TNC: variants seen among roughly 807,000 people sequenced by gnomAD.
TNC encodes tenascin.
In TNC, 109 loss-of-function variants were observed where a neutral mutation model predicts 202.4. The observed-to-expected ratio is 0.54, with a 90% CI of 0.46 to 0.63. TNC has a LOEUF of 0.63. Ranked by LOEUF, TNC falls within the 30% of genes least tolerant of loss-of-function variation. TNC has a pLI of 0.00. For synonymous variants in TNC, 1,007 were observed against 1,089.7 expected (o/e 0.92, Z 1.50); for missense variants, 2,756 against 2,833.3 (o/e 0.97, Z 0.62).
At chr9:115,057,517 T>C (rs1257911718) in intron 14 of TNC, 92 bp from the exon 15 acceptor site, 1 of 1,301,704 alleles carries the variant, frequency 7.7e-7, no homozygotes, top group Admixed American at 2.2e-5. Flanking sequence ...ATAGAACCAT[T>C]GCTGGGTAGA....
chr9:115,076,244 G>T lies in TNC; in HGVS notation c.2861-123C>A. 3 of 1,402,630 alleles carry T rather than the reference G, an allele frequency of 2.1e-6. No homozygotes were observed. The South Asian group carries it at 3.6e-5, about 17-fold the overall frequency. The allele number at this position is 1,402,630 out of a possible 1,614,324, so 86.9% of individuals were successfully genotyped here. A position where few individuals can be genotyped will look rare whatever the true frequency, so the allele number is the denominator to read the frequency against. ...CAAATTTTCGGAATGTTTTACAAAA[G>T]AACTCACTGCAATCCAATAAGCAGT... On this transcript the variant is annotated intron_variant, in intron 8 of 27. Transcript: ENST00000350763.
chr9:115,059,665 G>A (rs879326835), intron 14 of TNC, 65 bp downstream of exon 14: 15 of 1,478,980 alleles, frequency 1.0e-5, no homozygotes, highest in African/African-American at 2.8e-5. Context: ...CTGACTCCGC[G>A]CATGATCTCT....
At chr9:115,022,542 G>C (rs1231809848) in intron 27 of TNC, among the ~76,000 whole-genome samples, 2 of 152,162 alleles carry the variant, frequency 1.3e-5, no homozygotes, top group African/African-American at 4.8e-5. Flanking sequence ...GGATGAAAGA[G>C]AGGCTTGCTT....
intron 20 of TNC, among the ~76,000 whole-genome samples, chr9:115,037,589 G>C (rs371017585): frequency 2.6e-4 from 40 of 152,190 alleles, no homozygotes; most frequent in African/African-American, 9.4e-4. Flanking sequence ...GTGCAGTGGT[G>C]CGATCTCGGC....
intron 25 of TNC, among the ~76,000 whole-genome samples, chr9:115,027,935 C>A (rs1335867270): frequency 6.6e-6 from 1 of 152,112 alleles, no homozygotes; most frequent in Non-Finnish European, 1.5e-5. Flanking sequence ...TCAAGTAGGA[C>A]TCGGAGACAA....
chr9:115,102,499 C>T (rs1251248785), intron 1 of TNC, among the ~76,000 whole-genome samples: 1 of 152,182 alleles, frequency 6.6e-6, no homozygotes. Context: ...ATAAATCTAT[C>T]AGTCCTTCAA....
At chr9:115,029,208 T>G (rs1483000840) in intron 25 of TNC, 152 bp downstream of exon 25, 1 of 654,842 alleles carries the variant, frequency 1.5e-6, no homozygotes, top group Non-Finnish European at 2.7e-6. Context: ...AATGATAGTC[T>G]TTTTCATTAA....
Position 115,046,616 on chromosome 9 carries a change from C to T in TNC, c.4919G>A (p.Trp1640Ter). The change falls in exon 17 of 28, where the codon TGG becomes TAG. Residue 1640 changes from tryptophan (W) to a stop codon, truncating the protein, a stop_gained. Transcript: ENST00000350763. LOFTEE classifies it high-confidence loss of function. ...GTCGAAGACCCCTTCATCAGCTGTC[C>T]AGGACAGACGGAAACCGTCTGGGGT... ...DATPDGFRLSWTADEGVFDNF... is the reference protein window; with the variant it reads ...DATPDGFRLS 6.2e-7 allele frequency: 1 copy of T among 1,613,994 alleles called. No homozygotes were observed. Among genetic ancestry groups the T allele is most frequent in the Non-Finnish European group, 8.5e-7 (1 of 1,180,000 alleles).
At chr9:115,059,158 T>C (rs948272077) in intron 14 of TNC, among the ~76,000 whole-genome samples, 1 of 152,238 alleles carries the variant, frequency 6.6e-6, no homozygotes, top group Admixed American at 6.5e-5. Context: ...ATTTGCTAAT[T>C]TGATGTTCTA....
chr9:115,045,541 ATTTT>A (rs61415443), intron 17 of TNC, among the ~76,000 whole-genome samples: 1 of 110,116 alleles, frequency 9.1e-6, no homozygotes. Flanking sequence ...TAAGTTTTTG[ATTTT>A]TTTTTTTTTT....
chr9:115,095,341 C>T (rs930903034), intron 1 of TNC, among the ~76,000 whole-genome samples: 2 of 151,466 alleles, frequency 1.3e-5, no homozygotes, highest in African/African-American at 4.9e-5. Flanking sequence ...TTTGAAACCC[C>T]TACTTTGGCA....
chr9:115,083,805 A>T (rs1425399148), intron 4 of TNC, among the ~76,000 whole-genome samples: 1 of 152,122 alleles, frequency 6.6e-6, no homozygotes, highest in Non-Finnish European at 1.5e-5. Flanking sequence ...GGGTTTCGCC[A>T]TGCTGGCCAG....
At chr9:115,097,198 A>C (rs1262930973) in intron 1 of TNC, among the ~76,000 whole-genome samples, 1 of 152,140 alleles carries the variant, frequency 6.6e-6, no homozygotes, top group Non-Finnish European at 1.5e-5. Context: ...GCTGCTCCCT[A>C]TGGCCATTCC....
At chr9:115,061,682 CA>C (rs1226198576) in intron 13 of TNC, among the ~76,000 whole-genome samples, 1 of 152,138 alleles carries the variant, frequency 6.6e-6, no homozygotes, top group African/African-American at 2.4e-5. Flanking sequence ...ATTGCATTAT[CA>C]AAAGGCAGCA....
intron 22 of TNC, among the ~76,000 whole-genome samples, chr9:115,033,345 C>T (rs1165509356): frequency 6.6e-6 from 1 of 152,106 alleles, no homozygotes; most frequent in East Asian, 1.9e-4. Context: ...GGGGAAAGAT[C>T]AACTGTCAGG....
intron 5 of TNC, 103 bp from the exon 6 acceptor site, chr9:115,082,031 A>G (rs1002900559): frequency 8.5e-7 from 1 of 1,174,372 alleles, no homozygotes; most frequent in Non-Finnish European, 1.2e-6. Context: ...TTATTCTTTC[A>G]TCGATTCATT....
intron 10 of TNC, among the ~76,000 whole-genome samples, chr9:115,070,350 A>G (rs1385683967): frequency 6.6e-6 from 1 of 152,114 alleles, no homozygotes; most frequent in Non-Finnish European, 1.5e-5. Flanking sequence ...TGGGAGCAGC[A>G]CACTCCAAAG....
Position 115,086,347 on chromosome 9 carries a change from C to A in TNC, c.1384G>T (p.Gly462Cys). 6.2e-7 allele frequency: 1 copy of A among 1,614,206 alleles called. No homozygotes were observed. Among genetic ancestry groups the A allele is most frequent in the Non-Finnish European group, 8.5e-7 (1 of 1,180,044 alleles). Reference sequence around the variant, plus strand: ...CAGCTCATGTCACTGCAGTCATAGCCCTTGAAGCCTTGCTCACATACACAT... The same window carrying A: ...CAGCTCATGTCACTGCAGTCATAGCACTTGAAGCCTTGCTCACATACACAT... ...GKCVCEQGFK[G>C]YDCSDMSCPN... Residue 462 changes from glycine to cysteine, a missense_variant, in exon 3 of 28, where the codon GGC becomes TGC. Physicochemically the swap from Gly to Cys is radical, Grantham distance 159 (BLOSUM62 -3). Around this residue, in one of 2 missense-constraint regions of TNC, gnomAD observed 2,559 missense variants for 2,546.0 expected, o/e 1.01. Transcript: ENST00000350763.
In TNC at chr9:115,077,954, G is replaced by C; in HGVS notation, c.2663C>G (p.Thr888Ser). The C allele has an allele frequency of 6.2e-7, 1 of 1,614,062 alleles. No homozygotes were observed. Among genetic ancestry groups the C allele is most frequent in the South Asian group, 1.1e-5 (1 of 91,076 alleles). The change falls in exon 7 of 28, where the codon ACC (threonine) becomes AGC (serine). Residue 888 changes from threonine (T) to serine (S), a missense_variant. Physicochemically the swap from Thr to Ser is moderately conservative, Grantham distance 58 (BLOSUM62 1). Coordinates refer to ENST00000350763, the MANE Select transcript of TNC (RefSeq NM_002160.4). Reference protein sequence around the residue: ...GDMSSNPAKETFTTGLDAPRN... With the variant: ...GDMSSNPAKESFTTGLDAPRN... Reference sequence around the variant, plus strand: ...GGGAGGCCTTTTACCTGTTGTGAAGGTCTCTTTGGCTGGGTTGCTTGACAT... The same window carrying C: ...GGGAGGCCTTTTACCTGTTGTGAAGCTCTCTTTGGCTGGGTTGCTTGACAT...
Sources: allele counts gnomAD v4.1 joint callset (sites outside exome capture counted in the v4.1 genomes callset), GRCh38; gene constraint gnomAD v4.1.1; regional missense constraint gnomAD v4.1.1; transcripts MANE v1.5; gene names NCBI Gene and HGNC (gene_info 2026-07-23, HGNC 2026-07-21).